The following UQCRB variants were observed in gnomAD, a reference collection of about 807,000 sequenced individuals.
The protein encoded by UQCRB is cytochrome b-c1 complex subunit 7.
Under a neutral mutation model 19.8 loss-of-function variants are expected in UQCRB, and 12 were observed. The ratio of observed to expected loss-of-function variants is 0.61; its 90% CI spans 0.39 to 0.98. The LOEUF is 0.98. Among genes scored for constraint, UQCRB ranks in the 50% least tolerant of loss-of-function variants. The pLI, the probability that UQCRB is intolerant of heterozygous loss-of-function variation, is 0.00. For synonymous variants in UQCRB, 39 were observed against 42.9 expected (o/e 0.91, Z 0.35); for missense variants, 142 against 131.8 (o/e 1.08, Z -0.38).
At chr8:96,231,430 CTCT>C in intron 3 of UQCRB, 1 of 1,536,196 alleles carries the variant, frequency 6.5e-7, no homozygotes, top group Non-Finnish European at 8.7e-7. Flanking sequence ...TTCACAGAAG[CTCT>C]TCTTGGGATC....
chr8:96,228,789 C>G lies in UQCRB; in HGVS notation c.*2266G>C, dbSNP rs905608931. 4.4e-6 allele frequency: 2 copies of G among 454,108 alleles called. No individual in the cohort carries two copies. The highest frequency in any genetic ancestry group is 3.1e-5 in the South Asian group (2 of 64,476). 28.1% of individuals were successfully genotyped at this position (454,108 alleles called of 1,614,324 possible). On this transcript the variant is annotated 3_prime_UTR_variant, in exon 4 of 4. Coordinates refer to ENST00000287022, the MANE Select transcript of UQCRB (RefSeq NM_006294.5). The stretch of plus-strand genomic sequence containing the variant: ...GCAAATAGATTCAGACCTGTGCAGT[C>G]TAACCCAGAATTAGCTCTGAATCAC...
chr8:96,223,012 G>T lies in UQCRB; in HGVS notation c.*8043C>A, dbSNP rs1809471242. 6.6e-6 allele frequency among the ~76,000 whole-genome samples: 1 copy of T among 152,124 alleles called. No homozygotes were observed. The highest frequency in any genetic ancestry group is 1.5e-5 in the Non-Finnish European group (1 of 68,030). ...CAAATACATAGAAACAGAGAAGAATGGTGGTTTCCAGAGTGGGAAGGATCA... is the reference window on the plus strand; with the variant it reads ...CAAATACATAGAAACAGAGAAGAATTGTGGTTTCCAGAGTGGGAAGGATCA... On this transcript the variant is annotated 3_prime_UTR_variant, in exon 4 of 4. Coordinates refer to ENST00000287022, the MANE Select transcript of UQCRB (RefSeq NM_006294.5).
chr8:96,228,670 G>A lies in UQCRB; in HGVS notation c.*2385C>T, dbSNP rs1373224826. The A allele has an allele frequency of 2.2e-6, 1 of 454,080 alleles. No individual in the cohort carries two copies. The highest frequency in any genetic ancestry group is 4.4e-6 in the Non-Finnish European group (1 of 226,788). The allele number at this position is 454,080 out of a possible 1,614,324, so 28.1% of individuals were successfully genotyped here. On this transcript the variant is annotated 3_prime_UTR_variant, in exon 4 of 4. Transcript: ENST00000287022. ...TGCAGTCAGTTAATTTTCACAACTG[G>A]GTGAAGTAGGTTTCTATCATTAGCT...
At position 96,226,809 on chromosome 8, in the gene UQCRB, C is replaced by A. The variant is rs1276707540; in HGVS notation, c.*4246G>T. The A allele has an allele frequency of 4.5e-6, 2 of 441,060 alleles. No individual in the cohort carries two copies. Among genetic ancestry groups the A allele is most frequent in the South Asian group, 1.6e-5 (1 of 60,684 alleles). The allele number at this position is 441,060 out of a possible 1,614,324, so 27.3% of individuals were successfully genotyped here. On this transcript the variant is annotated 3_prime_UTR_variant, in exon 4 of 4. Transcript: ENST00000287022. ...TCTTTGTAGGAGATATAATCAGAAT[C>A]CAGAATGACAATTTAAATAGTTTAT...
chr8:96,228,561 G>A lies in UQCRB; in HGVS notation c.*2494C>T, dbSNP rs1050929389. The stretch of plus-strand genomic sequence containing the variant: ...CTATTCGACATTGATGATATTCAGC[G>A]TTTTCCCAAGTTATTCTTTCTCGCT... On this transcript the variant is annotated 3_prime_UTR_variant, in exon 4 of 4. Coordinates refer to ENST00000287022, the MANE Select transcript of UQCRB (RefSeq NM_006294.5). 7.5e-5 allele frequency: 34 copies of A among 453,930 alleles called. No homozygotes were observed. Among genetic ancestry groups the A allele is most frequent in the Admixed American group, 9.4e-5 (4 of 42,552 alleles). 28.1% of individuals were successfully genotyped at this position (453,930 alleles called of 1,614,324 possible).
Position 96,226,774 on chromosome 8 carries a change from A to G in UQCRB, c.*4281T>C, listed in dbSNP as rs1297449970. 3 of 421,136 alleles carry G rather than the reference A, an allele frequency of 7.1e-6. No individual in the cohort carries two copies. Among genetic ancestry groups the G allele is most frequent in the South Asian group, 1.7e-5 (1 of 57,382 alleles). The allele number at this position is 421,136 out of a possible 1,614,324, so 26.1% of individuals were successfully genotyped here. A position where few individuals can be genotyped will look rare whatever the true frequency, so the allele number is the denominator to read the frequency against. ...ATTCAAACAAAAAGTTCAATAAATAATACACTCTTTCTTTGTAGGAGATAT... is the reference window on the plus strand; with the variant it reads ...ATTCAAACAAAAAGTTCAATAAATAGTACACTCTTTCTTTGTAGGAGATAT... On this transcript the variant is annotated 3_prime_UTR_variant, in exon 4 of 4. Coordinates refer to ENST00000287022, the MANE Select transcript of UQCRB (RefSeq NM_006294.5).
chr8:96,230,649 ATC>A lies in UQCRB; in HGVS notation c.*404_*405del, dbSNP rs552157517. The A allele has an allele frequency of 1.3e-3, 586 of 459,970 alleles. 4 individuals carry two copies. Among genetic ancestry groups the A allele is most frequent in the African/African-American group, 0.01 (517 of 50,424 alleles). The allele number at this position is 459,970 out of a possible 1,614,324, so 28.5% of individuals were successfully genotyped here. A position where few individuals can be genotyped will look rare whatever the true frequency, so the allele number is the denominator to read the frequency against. On this transcript the variant is annotated 3_prime_UTR_variant, in exon 4 of 4. Transcript: ENST00000287022. Reference sequence around the variant, plus strand: ...TTTAAATGATAGGATGCAAAATCAAATCTGTTTGCATACCAGTGAAGAGGCTA... The same window carrying A: ...TTTAAATGATAGGATGCAAAATCAAATGTTTGCATACCAGTGAAGAGGCTA...
chr8:96,233,419 T>G (rs1160435508), intron 1 of UQCRB, 192 bp from the exon 2 acceptor site: 10 of 578,378 alleles, frequency 1.7e-5, no homozygotes, highest in African/African-American at 1.9e-5. Context: ...AAGTTTATAC[T>G]CTATAAAATG....
chr8:96,231,969 C>G lies in UQCRB; in HGVS notation c.92-29G>C, dbSNP rs73269963. 2,900 of 1,609,510 alleles carry G rather than the reference C, an allele frequency of 1.8e-3. 48 individuals are homozygous for G. In the African/African-American group the frequency reaches 0.035, roughly 19 times the overall value. ...TGATAGATGACAAAGTTAGATTGCACATGCATCTCAAAAATCGCGGTTTTT... is the reference window on the plus strand; with the variant it reads ...TGATAGATGACAAAGTTAGATTGCAGATGCATCTCAAAAATCGCGGTTTTT... On this transcript the variant is annotated intron_variant, in intron 2 of 3. Transcript: ENST00000287022.
At position 96,228,583 on chromosome 8, in the gene UQCRB, C is replaced by T. The variant is rs1216945113; in HGVS notation, c.*2472G>A. The stretch of plus-strand genomic sequence containing the variant: ...AGCGTTTTCCCAAGTTATTCTTTCT[C>T]GCTTCTCAGCACATAATTTACATTA... On this transcript the variant is annotated 3_prime_UTR_variant, in exon 4 of 4. Transcript: ENST00000287022. The T allele has an allele frequency of 1.8e-5, 8 of 453,986 alleles. No individual in the cohort carries two copies. Among genetic ancestry groups the T allele is most frequent in the Middle Eastern group, 6.8e-4 (1 of 1,466 alleles). The allele number at this position is 453,986 out of a possible 1,614,324, so 28.1% of individuals were successfully genotyped here.
At chr8:96,234,634 T>C in intron 1 of UQCRB, 1 of 578,042 alleles carries the variant, frequency 1.7e-6, no homozygotes, top group South Asian at 1.6e-5. Flanking sequence ...ACCTGATGTT[T>C]CCTAACAGCT....
At position 96,229,044 on chromosome 8, in the gene UQCRB, T is replaced by C. The variant is rs1809595209; in HGVS notation, c.*2011A>G. The C allele has an allele frequency of 2.2e-6, 1 of 454,134 alleles. No individual in the cohort carries two copies. The highest frequency in any genetic ancestry group is 4.4e-6 in the Non-Finnish European group (1 of 226,798). The allele number at this position is 454,134 out of a possible 1,614,324, so 28.1% of individuals were successfully genotyped here. On this transcript the variant is annotated 3_prime_UTR_variant, in exon 4 of 4. Transcript: ENST00000287022. ...GAGCCAAATACTAGATCTACTTTCT[T>C]AGTCTTCATAACAAGCAGGACGATA...
intron 3 of UQCRB, chr8:96,231,555 AT>A: frequency 7.0e-7 from 1 of 1,424,820 alleles, no homozygotes; most frequent in South Asian, 1.2e-5. Context: ...CTGGCTCTCT[AT>A]ATTAGAGACT....
intron 3 of UQCRB, 42 bp downstream of exon 3, chr8:96,231,732 T>C (rs372659618): frequency 4.7e-5 from 76 of 1,613,024 alleles, no homozygotes; most frequent in Non-Finnish European, 6.2e-5. Context: ...TAAAACTCCA[T>C]CCTTAATGAG....
At chr8:96,233,346 C>G (rs1809721030) in intron 1 of UQCRB, 119 bp from the exon 2 acceptor site, 3 of 948,152 alleles carry the variant, frequency 3.2e-6, no homozygotes, top group Admixed American at 3.6e-5. Context: ...AATAAATTTC[C>G]TTTTAAAAGT....
rs1376783641 is a variant in UQCRB at position 96,223,427 on chromosome 8, C to T, written c.*7628G>A. Among the ~76,000 whole-genome samples the T allele has an allele frequency of 6.6e-6, 1 of 152,198 alleles. No homozygotes were observed. Among genetic ancestry groups the T allele is most frequent in the African/African-American group, 2.4e-5 (1 of 41,434 alleles). On this transcript the variant is annotated 3_prime_UTR_variant, in exon 4 of 4. Coordinates refer to ENST00000287022, the MANE Select transcript of UQCRB (RefSeq NM_006294.5). ...TCTATGAAAAGAGGATAATTGTGCTCACCTTGGAAAAATTTTCAAGGAATA... is the reference window on the plus strand; with the variant it reads ...TCTATGAAAAGAGGATAATTGTGCTTACCTTGGAAAAATTTTCAAGGAATA...
chr8:96,235,484 C>G, intron 1 of UQCRB, 28 bp downstream of exon 1: 1 of 1,614,198 alleles, frequency 6.2e-7, no homozygotes, highest in Non-Finnish European at 8.5e-7. Context: ...CGCGACGATG[C>G]CGGCCAAGAA....
rs559026855 is a variant in UQCRB at position 96,224,987 on chromosome 8, C to T, written c.*6068G>A. Reference sequence around the variant, plus strand: ...CAAAAAACCTCAAATAAAATTCAAACGATGAAATAAAAATATCATTTCAGC... The same window carrying T: ...CAAAAAACCTCAAATAAAATTCAAATGATGAAATAAAAATATCATTTCAGC... On this transcript the variant is annotated 3_prime_UTR_variant, in exon 4 of 4. Transcript: ENST00000287022. 2.0e-5 allele frequency among the ~76,000 whole-genome samples: 3 copies of T among 152,004 alleles called. No individual in the cohort carries two copies. Among genetic ancestry groups the T allele is most frequent in the South Asian group, 2.1e-4 (1 of 4,812 alleles).
chr8:96,232,560 G>C (rs566037864), intron 2 of UQCRB: 2 of 154,742 alleles, frequency 1.3e-5, no homozygotes, highest in East Asian at 3.8e-4. Flanking sequence ...GTGGAAGGCC[G>C]GGCGCAGTAG....
Sources: allele counts gnomAD v4.1 joint callset (sites outside exome capture counted in the v4.1 genomes callset), GRCh38; gene constraint gnomAD v4.1.1; transcripts MANE v1.5; gene names NCBI Gene and HGNC (gene_info 2026-07-23, HGNC 2026-07-21).